CENPP: variants seen among roughly 807,000 people sequenced by gnomAD.
CENPP encodes centromere protein P.
A neutral mutation model predicts 35.6 loss-of-function variants in CENPP; 24 were observed. The observed-to-expected ratio is 0.67, with a 90% CI of 0.49 to 0.95. The LOEUF (loss-of-function observed/expected upper bound fraction) is 0.95, where lower values mean the gene tolerates loss of function less well. Among genes scored for constraint, CENPP ranks in the 40% least tolerant of loss-of-function variants. The pLI is 0.00. For missense variants in CENPP, 332 were observed against 345.3 expected, an observed-to-expected ratio of 0.96 and a Z score of 0.31; for synonymous variants, 120 against 125.5, an observed-to-expected ratio of 0.96 and a Z score of 0.29.
intron 5 of CENPP, among the ~76,000 whole-genome samples, chr9:92,528,472 G>A (rs1181047804): frequency 2.0e-5 from 3 of 152,184 alleles, no homozygotes; most frequent in Non-Finnish European, 2.9e-5. Flanking sequence ...CTGAGTACTG[G>A]ATAGCACATG....
At chr9:92,495,948 C>A in intron 5 of CENPP, 1 of 986,750 alleles carries the variant, frequency 1.0e-6, no homozygotes, top group African/African-American at 1.7e-5. Flanking sequence ...CCAAAAGATA[C>A]ATAATTTTTA....
chr9:92,461,691 T>A (rs984808961), intron 5 of CENPP, among the ~76,000 whole-genome samples: 8 of 152,194 alleles, frequency 5.3e-5, no homozygotes, highest in Non-Finnish European at 1.2e-4. Context: ...CCTAGATCCA[T>A]TCTGTCATTA....
intron 4 of CENPP, among the ~76,000 whole-genome samples, chr9:92,369,934 G>C (rs1018488470): frequency 2.0e-5 from 3 of 152,122 alleles, no homozygotes; most frequent in Non-Finnish European, 4.4e-5. Flanking sequence ...CCCCTGTTCA[G>C]TATGATGTTA....
intron 5 of CENPP, among the ~76,000 whole-genome samples, chr9:92,522,312 TC>T (rs1464902958): frequency 6.6e-6 from 1 of 152,130 alleles, no homozygotes; most frequent in Non-Finnish European, 1.5e-5. Context: ...GGTCTTAAAC[TC>T]CTGACCTCGT....
At chr9:92,426,334 C>A (rs1843966106) in intron 5 of CENPP, among the ~76,000 whole-genome samples, 1 of 152,112 alleles carries the variant, frequency 6.6e-6, no homozygotes, top group Admixed American at 6.6e-5. Flanking sequence ...AGCTGAGTGA[C>A]ACAGGACTGG....
At chr9:92,410,626 A>G (rs976501262) in intron 5 of CENPP, among the ~76,000 whole-genome samples, 2 of 152,158 alleles carry the variant, frequency 1.3e-5, no homozygotes, top group African/African-American at 2.4e-5. Context: ...CTTGTCCACT[A>G]TCTTTTGTAT....
At chr9:92,483,084 G>A (rs571174017) in intron 5 of CENPP, among the ~76,000 whole-genome samples, 64 of 152,062 alleles carry the variant, frequency 4.2e-4, no homozygotes, top group Admixed American at 8.5e-4. Flanking sequence ...GAGAATATTA[G>A]CTATGGCCTC....
chr9:92,428,674 T>G (rs181006944), intron 5 of CENPP, among the ~76,000 whole-genome samples: 38 of 152,210 alleles, frequency 2.5e-4, no homozygotes, highest in African/African-American at 8.9e-4. Context: ...AAAATCAGAC[T>G]GCACACTGTG....
chr9:92,539,862 T>C (rs911832949), intron 5 of CENPP, among the ~76,000 whole-genome samples: 1 of 152,164 alleles, frequency 6.6e-6, no homozygotes, highest in Non-Finnish European at 1.5e-5. Context: ...TTGATGGACA[T>C]TTGGGTTGTT....
intron 5 of CENPP, among the ~76,000 whole-genome samples, chr9:92,561,444 A>G (rs1171398721): frequency 6.6e-6 from 1 of 152,220 alleles, no homozygotes; most frequent in Non-Finnish European, 1.5e-5. Context: ...GTGAGTTTAT[A>G]TTATGTCCCT....
chr9:92,459,448 G>T (rs145114693), intron 5 of CENPP, among the ~76,000 whole-genome samples: 1 of 152,242 alleles, frequency 6.6e-6, no homozygotes, highest in Admixed American at 6.5e-5. Flanking sequence ...TTCTTGTGAC[G>T]TCGATGTAGA....
chr9:92,380,930 G>T (rs570956765), intron 5 of CENPP, among the ~76,000 whole-genome samples: 46 of 152,244 alleles, frequency 3.0e-4, no homozygotes, highest in South Asian at 8.3e-4. Context: ...AGTATAATTG[G>T]TGTATTTTTC....
chr9:92,530,190 G>T (rs370526593), intron 5 of CENPP, among the ~76,000 whole-genome samples: 1 of 152,070 alleles, frequency 6.6e-6, no homozygotes, highest in Non-Finnish European at 1.5e-5. Flanking sequence ...ACCAAGGGAC[G>T]ACAGTACTAT....
chr9:92,374,195 C>G (rs2130858170), intron 4 of CENPP, among the ~76,000 whole-genome samples: 1 of 150,068 alleles, frequency 6.7e-6, no homozygotes. Context: ...TACATTTAAA[C>G]CAATTCCTGA....
At chr9:92,600,875 G>A (rs1256305471) in intron 5 of CENPP, among the ~76,000 whole-genome samples, 1 of 152,218 alleles carries the variant, frequency 6.6e-6, no homozygotes, top group Non-Finnish European at 1.5e-5. Flanking sequence ...GGATGGTGCA[G>A]GTCCCCTGAG....
At chr9:92,440,992 G>A (rs897969670) in intron 5 of CENPP, among the ~76,000 whole-genome samples, 2 of 152,176 alleles carry the variant, frequency 1.3e-5, no homozygotes, top group African/African-American at 4.8e-5. Flanking sequence ...TTAAGTTCCT[G>A]TGGCATATTT....
At chr9:92,497,064 G>A (rs1846388488) in intron 5 of CENPP, among the ~76,000 whole-genome samples, 1 of 151,958 alleles carries the variant, frequency 6.6e-6, no homozygotes, top group African/African-American at 2.4e-5. Context: ...GCAATATCTA[G>A]TAAAATTACA....
intron 5 of CENPP, among the ~76,000 whole-genome samples, chr9:92,423,966 CA>C (rs1189583357): frequency 1.3e-5 from 2 of 151,932 alleles, no homozygotes; most frequent in African/African-American, 4.8e-5. Flanking sequence ...AAAATCTAAA[CA>C]AAGATTTTTT....
intron 5 of CENPP, among the ~76,000 whole-genome samples, chr9:92,453,889 A>G (rs1844792979): frequency 6.6e-6 from 1 of 152,156 alleles, no homozygotes; most frequent in Admixed American, 6.6e-5. Flanking sequence ...GGAGTCTGAG[A>G]CAGGAAGATC....
Sources: allele counts gnomAD v4.1 joint callset (sites outside exome capture counted in the v4.1 genomes callset), GRCh38; gene constraint gnomAD v4.1.1; transcripts MANE v1.5; gene names NCBI Gene and HGNC (gene_info 2026-07-23, HGNC 2026-07-21).